PAK5: variants seen among roughly 807,000 people sequenced by gnomAD.
The protein encoded by PAK5 is serine/threonine-protein kinase PAK 5.
Under a neutral mutation model 65.9 loss-of-function variants are expected in PAK5, and 16 were observed. The observed-to-expected ratio is 0.24, with a 90% CI of 0.16 to 0.37. The LOEUF is 0.37. Ranked by LOEUF, PAK5 falls within the 10% of genes least tolerant of loss-of-function variation. The pLI, the probability that PAK5 is intolerant of heterozygous loss-of-function variation, is 1.00. For synonymous variants in PAK5, 371 were observed against 354.9 expected (o/e 1.05, Z -0.51); for missense variants, 785 against 903.9 (o/e 0.87, Z 1.69).
chr20:9,754,204 C>T (rs548054944), intron 1 of PAK5, among the ~76,000 whole-genome samples: 1 of 152,170 alleles, frequency 6.6e-6, no homozygotes, highest in East Asian at 1.9e-4. Flanking sequence ...TGCCCACTGC[C>T]CAGATATTAA....
intron 1 of PAK5, among the ~76,000 whole-genome samples, chr20:9,749,239 A>G (rs1409683252): frequency 6.6e-6 from 1 of 152,132 alleles, no homozygotes; most frequent in African/African-American, 2.4e-5. Context: ...TGAAATATCC[A>G]TTGAGAGCTA....
intron 3 of PAK5, among the ~76,000 whole-genome samples, chr20:9,622,214 T>TA (rs57441002): frequency 1 from 152,364 of 152,364 alleles, 76,182 homozygotes; most frequent in Non-Finnish European, 1. Flanking sequence ...CTAACCATTT[T>TA]GAGGTAATGC....
rs1425358146 is a variant in PAK5, at chr20:9,745,796, G to A, written c.-161-34361C>T. ...TTAAATGAATGAAGAACAGAAAAATGAGTTAATTCTGCCTAAATCCTCTAA... is the reference window on the plus strand; with the variant it reads ...TTAAATGAATGAAGAACAGAAAAATAAGTTAATTCTGCCTAAATCCTCTAA... On this transcript the variant is annotated intron_variant, in intron 1 of 9. Transcript: ENST00000353224. Among the ~76,000 whole-genome samples the A allele has an allele frequency of 2.0e-5, 3 of 151,954 alleles. No homozygotes were observed. In the East Asian group the frequency reaches 5.8e-4, roughly 29 times the overall value.
intron 3 of PAK5, among the ~76,000 whole-genome samples, chr20:9,625,140 C>A (rs1317675792): frequency 2.6e-5 from 4 of 152,158 alleles, no homozygotes; most frequent in African/African-American, 9.7e-5. Context: ...CCACTTCCAC[C>A]ACCTTTAACC....
intron 1 of PAK5, among the ~76,000 whole-genome samples, chr20:9,820,817 G>A (rs992835761): frequency 1.3e-5 from 2 of 151,778 alleles, no homozygotes; most frequent in Non-Finnish European, 2.9e-5. Context: ...GGAACTGAAT[G>A]GGGAGCCCTG....
intron 1 of PAK5, among the ~76,000 whole-genome samples, chr20:9,799,619 T>C (rs374013091): frequency 2.0e-5 from 3 of 152,096 alleles, no homozygotes; most frequent in African/African-American, 7.2e-5. Flanking sequence ...TAATCTAAAA[T>C]TCTACTCTAA....
Position 9,539,327 on chromosome 20 carries a change from T to C in PAK5, c.*135A>G, listed in dbSNP as rs2045220379. 7 of 797,522 alleles carry C rather than the reference T, an allele frequency of 8.8e-6. No homozygotes were observed. In the South Asian group the frequency reaches 1.0e-4, roughly 11 times the overall value. The allele number at this position is 797,522 out of a possible 1,614,324, so 49.4% of individuals were successfully genotyped here. A position where few individuals can be genotyped will look rare whatever the true frequency, so the allele number is the denominator to read the frequency against. ...GAAGATGCCCTGGTCTGTTGAACCC[T>C]GCCGGTCATCACGCTGTCCCACCAA... is the stretch of plus-strand genomic sequence containing the variant. On this transcript the variant is annotated 3_prime_UTR_variant, in exon 10 of 10. Coordinates refer to ENST00000353224, the MANE Select transcript of PAK5 (RefSeq NM_177990.4).
Position 9,665,994 on chromosome 20 carries a change from G to A in PAK5, c.-11-21655C>T, listed in dbSNP as rs185653867. 5.3e-5 allele frequency among the ~76,000 whole-genome samples: 8 copies of A among 152,142 alleles called. No individual in the cohort carries two copies. The East Asian group carries it at 5.8e-4, about 11-fold the overall frequency. ...TATTAAGAAAGAGAAATAAGCCTCC[G>A]TCTTTAATGTATAGGATGTTGTAAG... On this transcript the variant is annotated intron_variant, in intron 2 of 9. Transcript: ENST00000353224.
At chr20:9,604,666 C>T (rs1229366056) in intron 3 of PAK5, among the ~76,000 whole-genome samples, 2 of 152,232 alleles carry the variant, frequency 1.3e-5, no homozygotes, top group African/African-American at 4.8e-5. Flanking sequence ...ACTCCTCCTG[C>T]TTTGTGAGTC....
chr20:9,818,488 C>A lies in PAK5; in HGVS notation c.-162+20274G>T, dbSNP rs2049383519. On this transcript the variant is annotated intron_variant, in intron 1 of 9. Transcript: ENST00000353224. ...TGCTTTAACGAATATCACTGAAACACCCTCCATTAACATGGGAACAGTATC... is the reference window on the plus strand; with the variant it reads ...TGCTTTAACGAATATCACTGAAACAACCTCCATTAACATGGGAACAGTATC... Among the ~76,000 whole-genome samples the A allele has an allele frequency of 2.0e-5, 3 of 152,140 alleles. No individual in the cohort carries two copies. In the South Asian group the frequency reaches 6.2e-4, roughly 32 times the overall value.
At chr20:9,557,849 T>A (rs1288259382) in intron 6 of PAK5, 115 bp from the exon 7 acceptor site, 1 of 692,710 alleles carries the variant, frequency 1.4e-6, no homozygotes, top group African/African-American at 1.8e-5. Context: ...CCAGCCCATA[T>A]CTGAAAAACC....
intron 1 of PAK5, among the ~76,000 whole-genome samples, chr20:9,733,761 AAAC>A (rs2048359408): frequency 6.6e-6 from 1 of 152,222 alleles, no homozygotes; most frequent in African/African-American, 2.4e-5. Context: ...TTCTCTTTTT[AAAC>A]AACATTACTC....
At chr20:9,707,193 A>G (rs2123477469) in intron 2 of PAK5, among the ~76,000 whole-genome samples, 1 of 151,668 alleles carries the variant, frequency 6.6e-6, no homozygotes, top group Non-Finnish European at 1.5e-5. Context: ...GTGCAGTGGT[A>G]TGATCACAGC....
chr20:9,777,673 G>C (rs1001362445), intron 1 of PAK5, among the ~76,000 whole-genome samples: 1 of 152,174 alleles, frequency 6.6e-6, no homozygotes, highest in Non-Finnish European at 1.5e-5. Flanking sequence ...AATAACTAAA[G>C]AGAAATAAGG....
chr20:9,775,731 G>T (rs1299515549), intron 1 of PAK5, among the ~76,000 whole-genome samples: 1 of 151,966 alleles, frequency 6.6e-6, no homozygotes, highest in Non-Finnish European at 1.5e-5. Flanking sequence ...CTATTTATGG[G>T]GTAACATACT....
chr20:9,628,065 A>C (rs2046871653), intron 3 of PAK5, among the ~76,000 whole-genome samples: 1 of 152,188 alleles, frequency 6.6e-6, no homozygotes, highest in Admixed American at 6.5e-5. Flanking sequence ...TGAGAGAGAA[A>C]ATCTCAAAAT....
intron 1 of PAK5, among the ~76,000 whole-genome samples, chr20:9,734,730 A>G (rs879936339): frequency 6.6e-6 from 1 of 152,202 alleles, no homozygotes; most frequent in Non-Finnish European, 1.5e-5. Flanking sequence ...CATTGTGTGT[A>G]ATAACTACTC....
intron 2 of PAK5, among the ~76,000 whole-genome samples, chr20:9,693,893 G>T (rs183468234): frequency 6.6e-6 from 1 of 152,020 alleles, no homozygotes; most frequent in Non-Finnish European, 1.5e-5. Flanking sequence ...TTGGATATCA[G>T]TTGTATAAAT....
intron 1 of PAK5, among the ~76,000 whole-genome samples, chr20:9,761,927 T>C (rs1217783915): frequency 6.6e-6 from 1 of 151,966 alleles, no homozygotes; most frequent in Admixed American, 6.6e-5. Context: ...ATAGACCAAT[T>C]GAACAGAATA....
Sources: allele counts gnomAD v4.1 joint callset (sites outside exome capture counted in the v4.1 genomes callset), GRCh38; gene constraint gnomAD v4.1.1; transcripts MANE v1.5; gene names NCBI Gene and HGNC (gene_info 2026-07-23, HGNC 2026-07-21).